ADGRL3: variants seen among roughly 807,000 people sequenced by gnomAD.
ADGRL3 encodes the protein adhesion G protein-coupled receptor L3, also known as calcium-independent alpha-latrotoxin receptor 3.
A neutral mutation model predicts 153.5 loss-of-function variants in ADGRL3; 62 were observed. The observed-to-expected ratio is 0.40, with a 90% CI of 0.33 to 0.50. ADGRL3 has a LOEUF of 0.50. ADGRL3 is among the 20% of genes least tolerant of loss of function. The pLI, the probability that ADGRL3 is intolerant of heterozygous loss-of-function variation, is 0.47. For missense variants in ADGRL3, 1,641 were observed against 1,859.4 expected, an observed-to-expected ratio of 0.88 and a Z score of 2.16; for synonymous variants, 710 against 672.5, an observed-to-expected ratio of 1.06 and a Z score of -0.86.
At chr4:61,796,604 G>T (rs1316163554) in intron 8 of ADGRL3, among the ~76,000 whole-genome samples, 2 of 152,124 alleles carry the variant, frequency 1.3e-5, no homozygotes, top group Non-Finnish European at 2.9e-5. Flanking sequence ...CGAGATGCCT[G>T]TTCTAATAAT....
intron 13 of ADGRL3, among the ~76,000 whole-genome samples, chr4:61,928,440 T>G (rs1250685144): frequency 6.6e-6 from 1 of 152,188 alleles, no homozygotes; most frequent in Non-Finnish European, 1.5e-5. Context: ...TTGTACTGTA[T>G]GCTGTGGGTT....
intron 5 of ADGRL3, among the ~76,000 whole-genome samples, chr4:61,663,366 C>T (rs1171592353): frequency 1.3e-5 from 2 of 152,238 alleles, no homozygotes; most frequent in East Asian, 3.9e-4. Context: ...GCCGTAGATG[C>T]CAGCCATAGA....
chr4:61,730,337 T>C (rs1419292929), intron 6 of ADGRL3, among the ~76,000 whole-genome samples: 3 of 151,944 alleles, frequency 2.0e-5, no homozygotes, highest in Admixed American at 2.0e-4. Context: ...TTGCATTTCC[T>C]GTGTCTGTAA....
intron 9 of ADGRL3, among the ~76,000 whole-genome samples, chr4:61,845,653 A>G (rs1239174516): frequency 6.6e-6 from 1 of 151,616 alleles, no homozygotes; most frequent in Non-Finnish European, 1.5e-5. Context: ...GGTGTAAGCC[A>G]CAGCACCCAG....
At chr4:61,814,232 T>G (rs1386641818) in intron 9 of ADGRL3, among the ~76,000 whole-genome samples, 1 of 151,908 alleles carries the variant, frequency 6.6e-6, no homozygotes, top group Non-Finnish European at 1.5e-5. Flanking sequence ...TCTTATTTTT[T>G]TTTTTTTACA....
chr4:61,999,296 T>C (rs1011795177), intron 21 of ADGRL3, among the ~76,000 whole-genome samples: 5 of 152,162 alleles, frequency 3.3e-5, no homozygotes, highest in Non-Finnish European at 7.4e-5. Flanking sequence ...TGCAGAAATA[T>C]GAAAATATTC....
chr4:61,216,522 T>C (rs1742851613), intron 1 of ADGRL3, among the ~76,000 whole-genome samples: 1 of 151,318 alleles, frequency 6.6e-6, no homozygotes, highest in Non-Finnish European at 1.5e-5. Flanking sequence ...ATTTTACTCC[T>C]TTTTTTTTCT....
chr4:61,936,635 A>T (rs1205430267), intron 15 of ADGRL3, among the ~76,000 whole-genome samples: 1 of 152,082 alleles, frequency 6.6e-6, no homozygotes, highest in African/African-American at 2.4e-5. Flanking sequence ...AAATGTTTAA[A>T]CGTACACACA....
chr4:61,634,355 A>C (rs1437417366), intron 5 of ADGRL3, among the ~76,000 whole-genome samples: 1 of 152,172 alleles, frequency 6.6e-6, no homozygotes, highest in Admixed American at 6.5e-5. Flanking sequence ...CCGTGGCTTA[A>C]ATTCATCCAT....
chr4:61,686,176 G>A (rs1199999834), intron 6 of ADGRL3, among the ~76,000 whole-genome samples: 1 of 152,004 alleles, frequency 6.6e-6, no homozygotes, highest in East Asian at 1.9e-4. Context: ...ATTTGTATAA[G>A]TTATTGAAAT....
At chr4:62,041,325 A>G (rs573824686) in intron 24 of ADGRL3, among the ~76,000 whole-genome samples, 1 of 152,126 alleles carries the variant, frequency 6.6e-6, no homozygotes, top group Admixed American at 6.6e-5. Context: ...AATGGGTGTA[A>G]CTTTTTTTAA....
chr4:61,786,768 A>T (rs1001924507), intron 8 of ADGRL3, among the ~76,000 whole-genome samples: 5 of 152,156 alleles, frequency 3.3e-5, no homozygotes, highest in African/African-American at 1.2e-4. Context: ...ATATTCTGCC[A>T]TTTGCCCATT....
intron 4 of ADGRL3, among the ~76,000 whole-genome samples, chr4:61,519,205 C>A (rs942611004): frequency 6.6e-6 from 1 of 152,162 alleles, no homozygotes; most frequent in East Asian, 1.9e-4. Flanking sequence ...TTTCTAAGAA[C>A]TTTATACTGA....
chr4:61,586,914 A>G (rs2098948743), intron 4 of ADGRL3, among the ~76,000 whole-genome samples: 1 of 152,072 alleles, frequency 6.6e-6, no homozygotes, highest in South Asian at 2.1e-4. Flanking sequence ...TATAAACTGG[A>G]TGATATTTCT....
intron 2 of ADGRL3, among the ~76,000 whole-genome samples, chr4:61,431,137 A>G (rs2097351114): frequency 6.6e-6 from 1 of 152,224 alleles, no homozygotes; most frequent in South Asian, 2.1e-4. Context: ...CTAACCAAAG[A>G]AAAAAGGTAG....
At chr4:61,282,150 A>G (rs939080689) in intron 1 of ADGRL3, among the ~76,000 whole-genome samples, 4 of 152,116 alleles carry the variant, frequency 2.6e-5, no homozygotes, top group African/African-American at 9.6e-5. Flanking sequence ...ATTCATTGAG[A>G]TGAAGCTGAG....
At chr4:61,687,051 C>A (rs1376202803) in intron 6 of ADGRL3, among the ~76,000 whole-genome samples, 3 of 151,782 alleles carry the variant, frequency 2.0e-5, no homozygotes, top group Non-Finnish European at 4.4e-5. Flanking sequence ...TATGTTAATA[C>A]TTTTGTTTAT....
chr4:61,751,033 C>G, intron 8 of ADGRL3, among the ~76,000 whole-genome samples: 1 of 152,102 alleles, frequency 6.6e-6, no homozygotes, highest in East Asian at 1.9e-4. Context: ...CGCCTCCTGT[C>G]AGATCAACAG....
Position 61,201,218 on chromosome 4 carries a change from G to T in ADGRL3, c.-787G>T. The T allele has an allele frequency of 6.5e-6, 1 of 153,048 alleles. No individual in the cohort carries two copies. Among genetic ancestry groups the T allele is most frequent in the South Asian group, 2.0e-4 (1 of 5,128 alleles). 9.5% of individuals were successfully genotyped at this position (153,048 alleles called of 1,614,324 possible). A position where few individuals can be genotyped will look rare whatever the true frequency, so the allele number is the denominator to read the frequency against. ...AGAACTGGATATAAAGATCGGCTGGGGGGATGGTGGAAGATTTTTGGTCTC... is the reference window on the plus strand; with the variant it reads ...AGAACTGGATATAAAGATCGGCTGGTGGGATGGTGGAAGATTTTTGGTCTC... On this transcript the variant is annotated 5_prime_UTR_variant, in exon 1 of 27. Coordinates refer to ENST00000683033, the MANE Select transcript of ADGRL3 (RefSeq NM_001387552.1).
Sources: allele counts gnomAD v4.1 joint callset (sites outside exome capture counted in the v4.1 genomes callset), GRCh38; gene constraint gnomAD v4.1.1; transcripts MANE v1.5; gene names NCBI Gene and HGNC (gene_info 2026-07-23, HGNC 2026-07-21).